ATP2B2: variants seen among roughly 807,000 people sequenced by gnomAD.
ATP2B2 encodes plasma membrane calcium-transporting ATPase 2.
Under a neutral mutation model 120.0 loss-of-function variants are expected in ATP2B2, and 15 were observed. The observed-to-expected ratio is 0.12, with a 90% CI of 0.08 to 0.19. The LOEUF (loss-of-function observed/expected upper bound fraction) is 0.19. Ranked by LOEUF, ATP2B2 falls within the 10% of genes least tolerant of loss-of-function variation. The pLI, the probability that ATP2B2 is intolerant of heterozygous loss-of-function variation, is 1.00. For missense variants in ATP2B2, 1,045 were observed against 1,719.8 expected, an observed-to-expected ratio of 0.61 and a Z score of 6.94; for synonymous variants, 694 against 700.3, an observed-to-expected ratio of 0.99 and a Z score of 0.14.
chr3:10,682,120 A>G (rs1334988195), intron 1 of ATP2B2, among the ~76,000 whole-genome samples: 6 of 152,178 alleles, frequency 3.9e-5, no homozygotes, highest in Non-Finnish European at 7.4e-5. Flanking sequence ...TGTTCTTTCA[A>G]TATTGATTCC....
intron 1 of ATP2B2, among the ~76,000 whole-genome samples, chr3:10,662,503 C>A (rs200960968): frequency 0.011 from 1,347 of 117,242 alleles, 47 homozygotes; most frequent in African/African-American, 0.04. Flanking sequence ...GCTCATCATC[C>A]CTGGCCATCA....
chr3:10,569,688 G>C (rs1202263242), intron 2 of ATP2B2, among the ~76,000 whole-genome samples: 1 of 152,146 alleles, frequency 6.6e-6, no homozygotes, highest in Non-Finnish European at 1.5e-5. Context: ...GAGTGTGTGA[G>C]CTTGAAGGGG....
At chr3:10,457,890 G>A (rs2064330505) in intron 1 of ATP2B2, among the ~76,000 whole-genome samples, 2 of 152,198 alleles carry the variant, frequency 1.3e-5, no homozygotes, top group Admixed American at 1.3e-4. Flanking sequence ...CAGGCAGTGA[G>A]AGGGATCCAG....
At position 10,619,056 on chromosome 3, in the gene ATP2B2, C is replaced by T. The variant is rs77034935; in HGVS notation, c.-415+861G>A. On this transcript the variant is annotated intron_variant, in intron 2 of 21. Transcript: ENST00000646379. The stretch of plus-strand genomic sequence containing the variant: ...GGAAGGAAGCCAGTTGCACACACAC[C>T]CACCCCCAAGGCTGTCAGGGAAGTG... 9.7e-3 allele frequency among the ~76,000 whole-genome samples: 1,479 copies of T among 152,240 alleles called. 16 individuals are homozygous for T. The highest frequency in any genetic ancestry group is 0.016 in the Non-Finnish European group (1,072 of 68,006).
chr3:10,441,596 G>A (rs1312040147), intron 2 of ATP2B2, among the ~76,000 whole-genome samples: 2 of 152,168 alleles, frequency 1.3e-5, no homozygotes, highest in Non-Finnish European at 1.5e-5. Context: ...CTTGAAGGCC[G>A]GCCCTGTCCC....
Position 10,601,615 on chromosome 3 carries a change from C to T in ATP2B2, c.-415+18302G>A, listed in dbSNP as rs77784956. 6.3e-3 allele frequency among the ~76,000 whole-genome samples: 966 copies of T among 152,360 alleles called. 10 individuals are homozygous for T. Among genetic ancestry groups the T allele is most frequent in the African/African-American group, 0.022 (920 of 41,578 alleles). ...CTCTGTCTGTCTCAGTCATTTAGTA[C>T]ATATCTGGCTCCCAGTCTTCCCCCA... On this transcript the variant is annotated intron_variant, in intron 2 of 21. Coordinates refer to the ATP2B2 transcript ENST00000646379.
At chr3:10,355,712 C>T (rs1446460979) in intron 14 of ATP2B2, among the ~76,000 whole-genome samples, 1 of 152,328 alleles carries the variant, frequency 6.6e-6, no homozygotes, top group African/African-American at 2.4e-5. Context: ...AGCTCTGCCC[C>T]CTCAGGCCCT....
chr3:10,421,000 G>C (rs183122961), intron 2 of ATP2B2, among the ~76,000 whole-genome samples: 1 of 152,198 alleles, frequency 6.6e-6, no homozygotes, highest in African/African-American at 2.4e-5. Context: ...TCCCTGGAGC[G>C]GCGGCTTCAG....
chr3:10,459,448 A>G (rs1314158301), intron 1 of ATP2B2, among the ~76,000 whole-genome samples: 7 of 152,194 alleles, frequency 4.6e-5, no homozygotes, highest in Non-Finnish European at 1.0e-4. Context: ...GCGGCTCTGG[A>G]CATTGTACTC....
At chr3:10,376,771 G>A (rs1405753106) in intron 10 of ATP2B2, among the ~76,000 whole-genome samples, 1 of 152,232 alleles carries the variant, frequency 6.6e-6, no homozygotes, top group Non-Finnish European at 1.5e-5. Flanking sequence ...CTGCTTTGAG[G>A]TAGGACAGAC....
Position 10,340,905 on chromosome 3 carries a change from C to T in ATP2B2, c.2918-201G>A, listed in dbSNP as rs1202506116. Reference sequence around the variant, plus strand: ...TGAAGGGTCAGCAAAGCCCTTTCTCCTCTGGGGAAGAAAGGCCTTGGGCAA... The same window carrying T: ...TGAAGGGTCAGCAAAGCCCTTTCTCTTCTGGGGAAGAAAGGCCTTGGGCAA... On this transcript the variant is annotated intron_variant, in intron 19 of 22. Transcript: ENST00000360273. This position sits in a 1 kb window ranked among gnomAD's most constrained non-coding sequence, Gnocchi z 5.0. 6.6e-6 allele frequency among the ~76,000 whole-genome samples: 1 copy of T among 152,178 alleles called. No individual in the cohort carries two copies. The highest frequency in any genetic ancestry group is 1.5e-5 in the Non-Finnish European group (1 of 68,032).
chr3:10,394,049 T>G (rs1349368039), intron 5 of ATP2B2, among the ~76,000 whole-genome samples: 1 of 152,100 alleles, frequency 6.6e-6, no homozygotes, highest in Non-Finnish European at 1.5e-5. Context: ...TGACTGAAGT[T>G]GCAGAGGGTG....
chr3:10,490,822 AT>A (rs2065906838), intron 1 of ATP2B2, among the ~76,000 whole-genome samples: 2 of 152,156 alleles, frequency 1.3e-5, no homozygotes. Context: ...GGACTGGAAG[AT>A]CACTTTGGCC....
At chr3:10,618,932 G>T (rs1379144713) in intron 2 of ATP2B2, among the ~76,000 whole-genome samples, 2 of 152,202 alleles carry the variant, frequency 1.3e-5, no homozygotes, top group Non-Finnish European at 2.9e-5. Context: ...TGACAAGCAT[G>T]GTGGTGATTT....
chr3:10,610,431 G>A (rs1321025888), intron 2 of ATP2B2, among the ~76,000 whole-genome samples: 2 of 151,756 alleles, frequency 1.3e-5, no homozygotes, highest in Non-Finnish European at 2.9e-5. Context: ...TCATGCCTTC[G>A]AGGCGGCATC....
intron 2 of ATP2B2, among the ~76,000 whole-genome samples, chr3:10,440,421 A>G (rs191188625): frequency 6.6e-6 from 1 of 152,340 alleles, no homozygotes; most frequent in East Asian, 1.9e-4. Flanking sequence ...CATACACAGC[A>G]TGAACAAACA....
chr3:10,686,705 T>C (rs2071533683), intron 1 of ATP2B2, among the ~76,000 whole-genome samples: 1 of 151,854 alleles, frequency 6.6e-6, no homozygotes, highest in Non-Finnish European at 1.5e-5. Flanking sequence ...CCAGGCACTG[T>C]GCTAGGTGCT....
chr3:10,567,024 G>A (rs138116995), intron 2 of ATP2B2, among the ~76,000 whole-genome samples: 1 of 152,266 alleles, frequency 6.6e-6, no homozygotes, highest in East Asian at 1.9e-4. Context: ...CTTGGTTCTT[G>A]TGCCCTGCCA....
At position 10,350,047 on chromosome 3, in the gene ATP2B2, G is replaced by T. The variant is rs17032716; in HGVS notation, c.2404+65C>A. 1.0e-3 allele frequency: 1,586 copies of T among 1,524,406 alleles called. 12 individuals carry two copies. In the African/African-American group the frequency reaches 0.02, roughly 19 times the overall value. The allele number at this position is 1,524,406 out of a possible 1,614,324, so 94.4% of individuals were successfully genotyped here. Reference sequence around the variant, plus strand: ...TGGGAAGAAGCTGCAAGTGCCAGGAGAGGAGGGCCCAGCTTCTGGCCTGGT... The same window carrying T: ...TGGGAAGAAGCTGCAAGTGCCAGGATAGGAGGGCCCAGCTTCTGGCCTGGT... On this transcript the variant is annotated intron_variant, in intron 16 of 22. Transcript: ENST00000360273.
Sources: allele counts gnomAD v4.1 joint callset (sites outside exome capture counted in the v4.1 genomes callset), GRCh38; gene constraint gnomAD v4.1.1; non-coding constraint Gnocchi (gnomAD v3.1); transcripts MANE v1.5; gene names NCBI Gene and HGNC (gene_info 2026-07-23, HGNC 2026-07-21).